Variants in GLS observed in about 807,000 individuals in gnomAD.
GLS encodes the protein glutaminase.
Under a neutral mutation model 86.7 loss-of-function variants are expected in GLS, and 36 were observed. The observed-to-expected ratio is 0.42, with a 90% confidence interval of 0.32 to 0.55. The LOEUF is 0.55. Ranked by LOEUF, GLS falls within the 20% of genes least tolerant of loss-of-function variation. The pLI is 0.17. For missense variants in GLS, 528 were observed against 833.4 expected (o/e 0.63, Z 4.51); for synonymous variants, 317 against 305.9 (o/e 1.04, Z -0.38).
intron 3 of GLS, chr2:190,896,520 C>G (rs1688746574): frequency 6.6e-6 from 1 of 152,156 alleles, no homozygotes; most frequent in African/African-American, 2.4e-5. Context: ...TCTGCATCTA[C>G]TTTGAAAGTT....
intron 14 of GLS, among the ~76,000 whole-genome samples, chr2:190,944,836 CTATT>C (rs550502096): frequency 6.6e-6 from 1 of 152,208 alleles, no homozygotes; most frequent in African/African-American, 2.4e-5. Flanking sequence ...ATAACTTTTT[CTATT>C]TGTCATTTGT....
chr2:190,940,740 CTT>C (rs397946071), intron 14 of GLS, among the ~76,000 whole-genome samples: 11 of 140,754 alleles, frequency 7.8e-5, no homozygotes, highest in Admixed American at 7.1e-5. Context: ...AGTTAGCAAA[CTT>C]TTTTTTTTTT....
intron 14 of GLS, chr2:190,933,119 T>A (rs1446512678): frequency 7.0e-6 from 6 of 859,736 alleles, no homozygotes; most frequent in Middle Eastern, 5.6e-4. Context: ...AAAATTTAAA[T>A]TTTTTTTGAT....
chr2:190,887,584 T>A (rs934019543), intron 1 of GLS, among the ~76,000 whole-genome samples: 1 of 152,148 alleles, frequency 6.6e-6, no homozygotes, highest in African/African-American at 2.4e-5. Context: ...GATGAGGATA[T>A]TTTGAGTGAC....
intron 6 of GLS, among the ~76,000 whole-genome samples, chr2:190,906,433 G>A (rs1689138337): frequency 6.6e-6 from 1 of 152,078 alleles, no homozygotes; most frequent in Non-Finnish European, 1.5e-5. Flanking sequence ...AACAGTATAA[G>A]TAATGAATTT....
rs1318877526 is a variant in GLS, at chr2:190,930,654, A to T, written c.1557+86A>T. The T allele has an allele frequency of 1.5e-6, 2 of 1,297,786 alleles. No individual in the cohort carries two copies. Among genetic ancestry groups the T allele is most frequent in the South Asian group, 2.8e-5 (2 of 70,710 alleles). The allele number at this position is 1,297,786 out of a possible 1,614,324, so 80.4% of individuals were successfully genotyped here. The stretch of plus-strand genomic sequence containing the variant: ...TTTTTTAACCCATTTTCCATAGTTC[A>T]TTAACTCTTGGCCCTCCGCCTATAG... On this transcript the variant is annotated intron_variant, in intron 13 of 17. Transcript: ENST00000320717. The surrounding 1 kb of genome is among the most constrained non-coding windows in gnomAD (Gnocchi z 5.0).
At chr2:190,881,663 C>T in intron 1 of GLS, 193 bp downstream of exon 1, 2 of 534,304 alleles carry the variant, frequency 3.7e-6, no homozygotes, top group Non-Finnish European at 6.3e-6. Context: ...GCCCGCAACC[C>T]TCCGCCAGGC....
chr2:190,919,320 T>TTAATTTAG (rs1689659907), intron 7 of GLS, among the ~76,000 whole-genome samples: 1 of 152,152 alleles, frequency 6.6e-6, no homozygotes, highest in East Asian at 1.9e-4. Flanking sequence ...TAATTGTGCT[T>TTAATTTAG]TAATTTAGTA....
Position 190,905,396 on chromosome 2 carries a change from T to G in GLS, c.979+229T>G, listed in dbSNP as rs1431562500. On this transcript the variant is annotated intron_variant, in intron 6 of 17. Coordinates refer to ENST00000320717, the MANE Select transcript of GLS (RefSeq NM_014905.5). This position sits in a 1 kb window ranked among gnomAD's most constrained non-coding sequence, Gnocchi z 4.6. ...ATGAACTTCTCTCTTCATAACCACC[T>G]TTAGGGAAATATAGCGAAATCTCAA... 5 of 397,144 alleles carry G rather than the reference T, an allele frequency of 1.3e-5. No homozygotes were observed. The highest frequency in any genetic ancestry group is 2.3e-5 in the Non-Finnish European group (5 of 221,282). The allele number at this position is 397,144 out of a possible 1,614,324, so 24.6% of individuals were successfully genotyped here. A position where few individuals can be genotyped will look rare whatever the true frequency, so the allele number is the denominator to read the frequency against.
chr2:190,933,608 C>G, intron 14 of GLS: 1 of 947,890 alleles, frequency 1.1e-6, no homozygotes. Context: ...CAATAAAAAG[C>G]TATAATGGTT....
chr2:190,889,724 T>C (rs536533095), intron 1 of GLS, among the ~76,000 whole-genome samples: 1 of 152,146 alleles, frequency 6.6e-6, no homozygotes, highest in Non-Finnish European at 1.5e-5. Context: ...GTCAAACTTC[T>C]GAAGTTGTGC....
In GLS at chr2:190,881,184, C is replaced by T. The variant is rs1188908799; in HGVS notation, c.100C>T (p.Leu34=). Reference sequence around the variant, plus strand: ...GCGGCGGGCACAGCCCTTGGTCACCCTGTGCCGGCGTCCCCGAGGCGGGGG... The same window carrying T: ...GCGGCGGGCACAGCCCTTGGTCACCTTGTGCCGGCGTCCCCGAGGCGGGGG... ...TLRRAQPLVT[L]CRRPRGGGRP... Residue 34 remains leucine (L), a synonymous_variant, in exon 1 of 18, where the codon CTG becomes TTG. Transcript: ENST00000320717. The T allele has an allele frequency of 9.3e-6, 13 of 1,399,898 alleles. No individual in the cohort carries two copies. In the East Asian group the frequency reaches 3.6e-4, roughly 39 times the overall value. 86.7% of individuals were successfully genotyped at this position (1,399,898 alleles called of 1,614,324 possible). A position where few individuals can be genotyped will look rare whatever the true frequency, so the allele number is the denominator to read the frequency against.
chr2:190,921,143 A>G lies in GLS; in HGVS notation c.1072-2A>G. On this transcript the variant is annotated splice_acceptor_variant, in intron 8 of 17. Transcript: ENST00000320717. LOFTEE classifies it high-confidence loss of function. This position sits in a 1 kb window ranked among gnomAD's most constrained non-coding sequence, Gnocchi z 4.2. Reference sequence around the variant, plus strand: ...CTAATATTCCCTACTTTTGGTTTCTAGGTCATGCAGTTTTTGAATAAGATG... The same window carrying G: ...CTAATATTCCCTACTTTTGGTTTCTGGGTCATGCAGTTTTTGAATAAGATG... The G allele has an allele frequency of 6.2e-7, 1 of 1,606,322 alleles. No homozygotes were observed. Among genetic ancestry groups the G allele is most frequent in the Non-Finnish European group, 8.5e-7 (1 of 1,173,398 alleles).
Position 190,950,596 on chromosome 2 carries a change from C to T in GLS, c.1651-2969C>T, listed in dbSNP as rs144973195. On this transcript the variant is annotated intron_variant, in intron 14 of 17. Transcript: ENST00000320717. ...TCTCTGGCCAGAAGCAGAAGCACTT[C>T]TCAGCACCACTGGGTAAAGAAGCTC... is the stretch of plus-strand genomic sequence containing the variant. 6.4e-3 allele frequency among the ~76,000 whole-genome samples: 974 copies of T among 152,314 alleles called. 9 individuals carry two copies. Among genetic ancestry groups the T allele is most frequent in the African/African-American group, 0.022 (925 of 41,542 alleles).
chr2:190,887,097 G>A (rs948436992), intron 1 of GLS, among the ~76,000 whole-genome samples: 1 of 152,128 alleles, frequency 6.6e-6, no homozygotes, highest in African/African-American at 2.4e-5. Flanking sequence ...TTGCCTGTCT[G>A]TGCCTTTTCA....
intron 12 of GLS, among the ~76,000 whole-genome samples, chr2:190,929,286 TA>T (rs1374362114): frequency 6.6e-6 from 1 of 151,908 alleles, no homozygotes; most frequent in African/African-American, 2.4e-5. Context: ...TTTCTAGTTG[TA>T]AAATATTTTT....
chr2:190,895,570 A>G lies in GLS; in HGVS notation c.484-34A>G, dbSNP rs771434500. ...TATAAGCATATACATTATTTGCACT[A>G]TATATTTACAAACTCTTATTTTTTT... On this transcript the variant is annotated intron_variant, in intron 2 of 17. Coordinates refer to ENST00000320717, the MANE Select transcript of GLS (RefSeq NM_014905.5). The surrounding 1 kb of genome is among the most constrained non-coding windows in gnomAD (Gnocchi z 4.2). 28 of 1,489,758 alleles carry G rather than the reference A, an allele frequency of 1.9e-5. 1 individual carries two copies. The South Asian group carries it at 2.4e-4, about 13-fold the overall frequency. 92.3% of individuals were successfully genotyped at this position (1,489,758 alleles called of 1,614,324 possible). A position where few individuals can be genotyped will look rare whatever the true frequency, so the allele number is the denominator to read the frequency against.
At chr2:190,926,341 G>A (rs1689893438) in intron 11 of GLS, among the ~76,000 whole-genome samples, 1 of 152,094 alleles carries the variant, frequency 6.6e-6, no homozygotes, top group African/African-American at 2.4e-5. Flanking sequence ...ATAGGGAAGA[G>A]ATTTTTTATA....
At chr2:190,942,375 C>T (rs1274422397) in intron 14 of GLS, among the ~76,000 whole-genome samples, 1 of 151,990 alleles carries the variant, frequency 6.6e-6, no homozygotes, top group Non-Finnish European at 1.5e-5. Context: ...CCACCACACC[C>T]GGCTGAAACT....
Sources: gnomAD v4.1 joint callset for allele counts (sites outside exome capture counted in the v4.1 genomes callset) on GRCh38, gnomAD v4.1.1 for gene constraint, Gnocchi (gnomAD v3.1) non-coding constraint, MANE v1.5 for transcripts, NCBI Gene and HGNC (gene_info 2026-07-23, HGNC 2026-07-21) for gene names.